The following SH3GL3 variants were observed in gnomAD, a reference collection of about 807,000 sequenced individuals.
The protein encoded by SH3GL3 is SH3 domain containing GRB2 like 3, endophilin A3, also known as endophilin-A3.
A neutral mutation model predicts 47.7 loss-of-function variants in SH3GL3; 33 were observed. That is an observed-to-expected ratio of 0.69 (90% CI 0.52 to 0.92). The LOEUF (loss-of-function observed/expected upper bound fraction) is 0.92, where lower values mean the gene tolerates loss of function less well. SH3GL3 is among the 40% of genes least tolerant of loss of function. SH3GL3 has a pLI of 0.00. For missense variants in SH3GL3, 363 were observed against 417.8 expected (o/e 0.87, Z 1.14); for synonymous variants, 155 against 148.8 (o/e 1.04, Z -0.30).
chr15:83,551,976 A>G (rs1246854043), intron 1 of SH3GL3, among the ~76,000 whole-genome samples: 1 of 152,212 alleles, frequency 6.6e-6, no homozygotes, highest in African/African-American at 2.4e-5. Context: ...GGTGAACTCC[A>G]TATATCCTAC....
At chr15:83,538,189 T>G (rs2044006013) in intron 1 of SH3GL3, among the ~76,000 whole-genome samples, 1 of 152,148 alleles carries the variant, frequency 6.6e-6, no homozygotes, top group Admixed American at 6.5e-5. Flanking sequence ...AACAGAGACT[T>G]CCAGATGCGG....
rs755167190 is a variant in SH3GL3 at position 83,490,783 on chromosome 15, A to G, written c.45+43205A>G. 8.4e-5 allele frequency: 135 copies of G among 1,611,710 alleles called. 1 individual carries two copies. Among genetic ancestry groups the G allele is most frequent in the South Asian group, 2.4e-4 (22 of 90,842 alleles). On this transcript the variant is annotated intron_variant, in intron 1 of 8. Coordinates refer to ENST00000427482, the MANE Select transcript of SH3GL3 (RefSeq NM_003027.5). ...TTAAGTGAATAAGACCATTTTCCCA[A>G]TGAGCAGTGTCATAAACATTGAGGA...
the SH3GL3 span, among the ~76,000 whole-genome samples, chr15:83,633,433 A>G: frequency 3.3e-5 from 5 of 152,166 alleles, no homozygotes; most frequent in Non-Finnish European, 7.3e-5. Context: ...CACTCCCTAC[A>G]GGGCAAGCTA....
chr15:83,511,374 G>T (rs961167736), intron 1 of SH3GL3, among the ~76,000 whole-genome samples: 1 of 152,080 alleles, frequency 6.6e-6, no homozygotes, highest in African/African-American at 2.4e-5. Flanking sequence ...CAAAGTGTTC[G>T]CTGGTTCTTA....
intron 1 of SH3GL3, among the ~76,000 whole-genome samples, chr15:83,449,684 A>G (rs1351759197): frequency 6.6e-6 from 1 of 152,126 alleles, no homozygotes; most frequent in East Asian, 1.9e-4. Flanking sequence ...AGTACATTAA[A>G]AATGAAATGA....
chr15:83,476,960 G>C (rs1032938784), intron 1 of SH3GL3, among the ~76,000 whole-genome samples: 1 of 152,222 alleles, frequency 6.6e-6, no homozygotes, highest in Non-Finnish European at 1.5e-5. Flanking sequence ...ATGCTCAACA[G>C]TTCTTTTTCA....
intron 1 of SH3GL3, among the ~76,000 whole-genome samples, chr15:83,449,850 C>A (rs1031651691): frequency 6.6e-6 from 1 of 151,020 alleles, no homozygotes; most frequent in South Asian, 2.1e-4. Context: ...TTAATATGTT[C>A]TAGAAGTCTT....
chr15:83,595,112 C>T (rs1024271577), intron 8 of SH3GL3, among the ~76,000 whole-genome samples: 2 of 152,128 alleles, frequency 1.3e-5, no homozygotes, highest in Non-Finnish European at 2.9e-5. Context: ...AAATGCCCAT[C>T]GGTGGCAGAC....
chr15:83,553,521 T>G (rs2044772282), intron 1 of SH3GL3, among the ~76,000 whole-genome samples: 1 of 152,194 alleles, frequency 6.6e-6, no homozygotes, highest in South Asian at 2.1e-4. Context: ...TCCCTTGTTT[T>G]CTTTTGGATT....
chr15:83,599,188 T>C (rs1385001982), intron 8 of SH3GL3, among the ~76,000 whole-genome samples: 1 of 152,178 alleles, frequency 6.6e-6, no homozygotes, highest in Non-Finnish European at 1.5e-5. Flanking sequence ...CCTTTCTTTA[T>C]TTTTTTGGTA....
chr15:83,594,851 T>G (rs772783601), intron 8 of SH3GL3, among the ~76,000 whole-genome samples: 1 of 152,116 alleles, frequency 6.6e-6, no homozygotes, highest in Non-Finnish European at 1.5e-5. Context: ...CAAAAAATCA[T>G]AGATGGCTGG....
intron 6 of SH3GL3, among the ~76,000 whole-genome samples, chr15:83,578,587 A>T (rs767805492): frequency 6.6e-6 from 1 of 152,114 alleles, no homozygotes; most frequent in Admixed American, 6.5e-5. Context: ...GGAAATGCCA[A>T]TTTGAAATTT....
At chr15:83,588,574 G>C in intron 7 of SH3GL3, 88 bp from the exon 8 acceptor site, 1 of 825,984 alleles carries the variant, frequency 1.2e-6, no homozygotes, top group Non-Finnish European at 2.1e-6. Context: ...TGTAACCTAA[G>C]TTCCTGTGCT....
chr15:83,543,072 G>A (rs1395661522), intron 1 of SH3GL3, among the ~76,000 whole-genome samples: 4 of 151,998 alleles, frequency 2.6e-5, no homozygotes, highest in Admixed American at 6.6e-5. Context: ...TACAGGACAG[G>A]CTTGCATTTT....
chr15:83,477,495 G>T (rs1334387149), intron 1 of SH3GL3, among the ~76,000 whole-genome samples: 1 of 152,050 alleles, frequency 6.6e-6, no homozygotes, highest in Non-Finnish European at 1.5e-5. Flanking sequence ...ATTATAATTT[G>T]TGAGCTGTGT....
Position 83,447,546 on chromosome 15 carries a change from G to T in SH3GL3, c.13G>T (p.Gly5Trp). 3 of 1,505,338 alleles carry T rather than the reference G, an allele frequency of 2.0e-6. No individual in the cohort carries two copies. The highest frequency in any genetic ancestry group is 2.7e-6 in the Non-Finnish European group (3 of 1,124,908). 93.2% of individuals were successfully genotyped at this position (1,505,338 alleles called of 1,614,324 possible). The part of the protein sequence containing the change: MSVA[G>W]LKKQFHKASQ... Reference sequence around the variant, plus strand: ...GGTCGCAGTCGCGATGTCGGTGGCCGGGCTGAAGAAGCAGTTCCACAAAGC... The same window carrying T: ...GGTCGCAGTCGCGATGTCGGTGGCCTGGCTGAAGAAGCAGTTCCACAAAGC... The change falls in exon 1 of 9, where the codon GGG (glycine) becomes TGG (tryptophan). Residue 5 changes from glycine to tryptophan, a missense_variant. Coordinates refer to ENST00000427482, the MANE Select transcript of SH3GL3 (RefSeq NM_003027.5). The surrounding 1 kb of genome is among the most constrained non-coding windows in gnomAD (Gnocchi z 5.1).
At chr15:83,508,200 A>C (rs1437919953) in intron 1 of SH3GL3, among the ~76,000 whole-genome samples, 1 of 152,050 alleles carries the variant, frequency 6.6e-6, no homozygotes, top group Non-Finnish European at 1.5e-5. Context: ...TCAGCCTCCC[A>C]AAGTGCTGGG....
chr15:83,461,099 A>G (rs956505352), intron 1 of SH3GL3, among the ~76,000 whole-genome samples: 4 of 151,984 alleles, frequency 2.6e-5, no homozygotes, highest in Non-Finnish European at 5.9e-5. Context: ...AAAAAAAAGT[A>G]CTGTACACAA....
chr15:83,574,351 A>G (rs1295015364), intron 5 of SH3GL3, among the ~76,000 whole-genome samples: 1 of 152,014 alleles, frequency 6.6e-6, no homozygotes, highest in Non-Finnish European at 1.5e-5. Context: ...CACTCATACC[A>G]TCCTCTTCTT....
Sources: gnomAD v4.1 joint callset for allele counts (sites outside exome capture counted in the v4.1 genomes callset) on GRCh38, gnomAD v4.1.1 for gene constraint, Gnocchi (gnomAD v3.1) non-coding constraint, MANE v1.5 for transcripts, NCBI Gene and HGNC (gene_info 2026-07-23, HGNC 2026-07-21) for gene names.